Variants in NCKAP5 observed in about 807,000 individuals in gnomAD.
NCKAP5 encodes nck-associated protein 5.
A neutral mutation model predicts 167.0 loss-of-function variants in NCKAP5; 92 were observed. That is an observed-to-expected ratio of 0.55 (90% CI 0.47 to 0.66). The LOEUF (loss-of-function observed/expected upper bound fraction) is 0.66. Ranked by LOEUF, NCKAP5 falls within the 30% of genes least tolerant of loss-of-function variation. NCKAP5 has a pLI of 0.00. For missense variants in NCKAP5, 2,378 were observed against 2,315.0 expected (o/e 1.03, Z -0.56); for synonymous variants, 891 against 877.4 (o/e 1.02, Z -0.27).
chr2:133,250,711 G>A (rs1204734412), intron 4 of NCKAP5, among the ~76,000 whole-genome samples: 1 of 152,220 alleles, frequency 6.6e-6, no homozygotes, highest in Non-Finnish European at 1.5e-5. Context: ...GCCAAGGAGG[G>A]AGGATCACTT....
chr2:133,654,826 G>T, the NCKAP5 span, among the ~76,000 whole-genome samples: 10 of 152,118 alleles, frequency 6.6e-5, no homozygotes, highest in Non-Finnish European at 1.0e-4. Flanking sequence ...TCTTTACATC[G>T]AAGAGCTTCC....
intron 2 of NCKAP5, among the ~76,000 whole-genome samples, chr2:133,555,546 C>G (rs1687684026): frequency 6.6e-6 from 1 of 152,230 alleles, no homozygotes; most frequent in African/African-American, 2.4e-5. Flanking sequence ...AAGTTCTCAC[C>G]TTGTTTCTAA....
chr2:133,554,970 A>G (rs1197969206), intron 2 of NCKAP5, among the ~76,000 whole-genome samples: 1 of 151,956 alleles, frequency 6.6e-6, no homozygotes, highest in Non-Finnish European at 1.5e-5. Context: ...CCTTTCTGCA[A>G]CCTTGGAAGT....
intron 6 of NCKAP5, among the ~76,000 whole-genome samples, chr2:133,015,531 A>G (rs1280377060): frequency 1.3e-5 from 2 of 152,206 alleles, no homozygotes; most frequent in Non-Finnish European, 2.9e-5. Flanking sequence ...CTCCATGGTC[A>G]TGAACATGTC....
intron 15 of NCKAP5, among the ~76,000 whole-genome samples, chr2:132,774,783 C>T (rs996231332): frequency 2.0e-5 from 3 of 152,160 alleles, no homozygotes; most frequent in Non-Finnish European, 4.4e-5. Context: ...GCTGTTTGCA[C>T]GTAAGATCTC....
intron 11 of NCKAP5, among the ~76,000 whole-genome samples, chr2:132,833,597 A>G (rs915635659): frequency 2.0e-5 from 3 of 152,224 alleles, no homozygotes; most frequent in African/African-American, 4.8e-5. Context: ...CAATTTTCCC[A>G]GAATCATTTA....
At chr2:132,859,858 C>A (rs182949654) in intron 11 of NCKAP5, among the ~76,000 whole-genome samples, 1 of 152,302 alleles carries the variant, frequency 6.6e-6, no homozygotes, top group Non-Finnish European at 1.5e-5. Flanking sequence ...TGTTTCCCTG[C>A]AGTGGGACAT....
chr2:133,177,259 A>G (rs2084509927), intron 5 of NCKAP5, among the ~76,000 whole-genome samples: 1 of 151,658 alleles, frequency 6.6e-6, no homozygotes, highest in South Asian at 2.1e-4. Flanking sequence ...AAGGCTTACA[A>G]TGACTCAGGC....
intron 16 of NCKAP5, among the ~76,000 whole-genome samples, chr2:132,743,902 T>C (rs1471351553): frequency 1.3e-5 from 2 of 151,670 alleles, no homozygotes; most frequent in African/African-American, 4.8e-5. Flanking sequence ...ACTATGCTAA[T>C]ATCAGAAAAT....
chr2:133,280,359 C>A (rs556350538), intron 4 of NCKAP5, among the ~76,000 whole-genome samples: 21 of 152,082 alleles, frequency 1.4e-4, no homozygotes, highest in Non-Finnish European at 2.2e-4. Context: ...ACCCCTTAAC[C>A]CTAGCATAGG....
intron 2 of NCKAP5, among the ~76,000 whole-genome samples, chr2:133,542,319 A>G (rs1347332832): frequency 6.6e-6 from 1 of 151,802 alleles, no homozygotes; most frequent in Non-Finnish European, 1.5e-5. Flanking sequence ...ATATTTGAGG[A>G]CTGCCCAGTA....
intron 2 of NCKAP5, among the ~76,000 whole-genome samples, chr2:133,522,120 T>C (rs1684527683): frequency 6.6e-6 from 1 of 152,170 alleles, no homozygotes; most frequent in East Asian, 1.9e-4. Context: ...GAGAGGAGAT[T>C]AGAAGGCAAT....
chr2:133,599,004 C>T, the NCKAP5 span, among the ~76,000 whole-genome samples: 3 of 152,172 alleles, frequency 2.0e-5, no homozygotes, highest in Admixed American at 6.5e-5. Context: ...GCATTCTCCC[C>T]GTGTGTCAGT....
rs552977346 is a variant in NCKAP5 at position 133,249,329 on chromosome 2, G to C, written c.144-35550C>G. Among the ~76,000 whole-genome samples the C allele has an allele frequency of 1.2e-4, 18 of 152,320 alleles. No homozygotes were observed. The East Asian group carries it at 3.5e-3, about 29-fold the overall frequency. On this transcript the variant is annotated intron_variant, in intron 4 of 19. Transcript: ENST00000409261. Reference sequence around the variant, plus strand: ...TGTGAGGATGGATGTAGGGGTCAAAGTGATACCTCTGCCAGAGGCCAGAAA... The same window carrying C: ...TGTGAGGATGGATGTAGGGGTCAAACTGATACCTCTGCCAGAGGCCAGAAA...
chr2:133,285,717 G>A (rs933304618), intron 4 of NCKAP5, among the ~76,000 whole-genome samples: 8 of 152,090 alleles, frequency 5.3e-5, no homozygotes, highest in Admixed American at 2.6e-4. Context: ...AAACACCTAC[G>A]GCACCCAACT....
At chr2:133,357,207 A>G (rs1684792674) in intron 3 of NCKAP5, among the ~76,000 whole-genome samples, 1 of 151,782 alleles carries the variant, frequency 6.6e-6, no homozygotes, top group Non-Finnish European at 1.5e-5. Context: ...GACCCTAAAT[A>G]TTGTTCTATT....
At chr2:133,355,272 T>C (rs1684631831) in intron 3 of NCKAP5, among the ~76,000 whole-genome samples, 2 of 152,294 alleles carry the variant, frequency 1.3e-5, no homozygotes, top group Admixed American at 6.5e-5. Context: ...CTATTAAATA[T>C]CACTCCTTCA....
intron 7 of NCKAP5, among the ~76,000 whole-genome samples, chr2:132,981,402 C>T (rs2077137873): frequency 6.6e-6 from 1 of 152,154 alleles, no homozygotes; most frequent in African/African-American, 2.4e-5. Context: ...ATCCTGAGAA[C>T]ATGAGGGAAG....
rs982588141 is a variant in NCKAP5 at position 132,829,286 on chromosome 2, G to A, written c.807+31206C>T. Among the ~76,000 whole-genome samples the A allele has an allele frequency of 5.9e-5, 9 of 152,194 alleles. No homozygotes were observed. The East Asian group carries it at 1.4e-3, about 23-fold the overall frequency. On this transcript the variant is annotated intron_variant, in intron 11 of 19. Coordinates refer to ENST00000409261, the MANE Select transcript of NCKAP5 (RefSeq NM_207363.3). ...TTGTGGAAAGTTTGAAGCTCATTTC[G>A]TTATCTGTAAGATGGGAGCAGCAAC...
Sources: gnomAD v4.1 joint callset for allele counts (sites outside exome capture counted in the v4.1 genomes callset) on GRCh38, gnomAD v4.1.1 for gene constraint, MANE v1.5 for transcripts, NCBI Gene and HGNC (gene_info 2026-07-23, HGNC 2026-07-21) for gene names.